Variants in SACS observed in about 807,000 individuals in gnomAD.
SACS encodes sacsin molecular chaperone, also known as sacsin.
SACS carries 197 observed loss-of-function variants against 348.0 expected under a neutral mutation model. The observed-to-expected ratio is 0.57, with a 90% CI of 0.50 to 0.64. SACS has a LOEUF of 0.64. Ranked by LOEUF, SACS falls within the 30% of genes least tolerant of loss-of-function variation. The probability of loss-of-function intolerance (pLI) is 0.00; values close to 1 mark genes in which losing one functional copy is unlikely to be tolerated. For synonymous variants in SACS, 1,985 were observed against 1,910.6 expected, an observed-to-expected ratio of 1.04 and a Z score of -1.02; for missense variants, 4,999 against 5,360.8, an observed-to-expected ratio of 0.93 and a Z score of 2.11.
At chr13:23,398,568 G>C (rs936806278) in intron 2 of SACS, among the ~76,000 whole-genome samples, 1 of 151,802 alleles carries the variant, frequency 6.6e-6, no homozygotes, top group African/African-American at 2.4e-5. Context: ...CACTCGTTTG[G>C]TTCAGAAAGG....
intron 2 of SACS, among the ~76,000 whole-genome samples, chr13:23,390,470 G>T (rs941382719): frequency 3.0e-4 from 45 of 151,984 alleles, no homozygotes; most frequent in African/African-American, 1.1e-3. Context: ...GACCAGCCTG[G>T]GCAAGATGGC....
At chr13:23,371,192 G>C in intron 3 of SACS, 27 bp from the exon 4 acceptor site, 1 of 1,464,156 alleles carries the variant, frequency 6.8e-7, no homozygotes, top group Non-Finnish European at 9.6e-7. Flanking sequence ...GAAAATGTAT[G>C]AAAAGCAATA....
At chr13:23,348,425 C>T (rs1353982284) in intron 9 of SACS, among the ~76,000 whole-genome samples, 1 of 152,200 alleles carries the variant, frequency 6.6e-6, no homozygotes, top group Non-Finnish European at 1.5e-5. Context: ...GCGGTCCCCA[C>T]CCAGCCCAGC....
intron 2 of SACS, among the ~76,000 whole-genome samples, chr13:23,379,111 T>C (rs1447915654): frequency 2.0e-5 from 3 of 152,168 alleles, no homozygotes; most frequent in Non-Finnish European, 4.4e-5. Context: ...GGCTCCCTGG[T>C]AGTGAATCGA....
At chr13:23,407,344 G>A (rs1423042663) in intron 2 of SACS, among the ~76,000 whole-genome samples, 3 of 152,078 alleles carry the variant, frequency 2.0e-5, no homozygotes, top group Non-Finnish European at 4.4e-5. Context: ...GACTACAGGC[G>A]CCTGCCACCA....
intron 6 of SACS, among the ~76,000 whole-genome samples, chr13:23,363,109 A>G (rs1018632527): frequency 6.6e-5 from 10 of 151,158 alleles, no homozygotes; most frequent in African/African-American, 2.4e-4. Context: ...GGGTTTCACC[A>G]TGTTGGCCAG....
At chr13:23,405,334 GTA>G (rs1873159063) in intron 2 of SACS, among the ~76,000 whole-genome samples, 1 of 152,148 alleles carries the variant, frequency 6.6e-6, no homozygotes, top group Admixed American at 6.6e-5. Flanking sequence ...TTAATAAATG[GTA>G]TTGGGAAAAC....
chr13:23,413,873 GA>G (rs1213755649), intron 1 of SACS, among the ~76,000 whole-genome samples: 1 of 152,116 alleles, frequency 6.6e-6, no homozygotes, highest in South Asian at 2.1e-4. Context: ...TTAAATTAAG[GA>G]ACTATATTAG....
chr13:23,398,003 C>T (rs1872774883), intron 2 of SACS, among the ~76,000 whole-genome samples: 1 of 151,238 alleles, frequency 6.6e-6, no homozygotes, highest in Non-Finnish European at 1.5e-5. Context: ...ACCAGCCTGA[C>T]CAACACGGAG....
chr13:23,338,335 C>T lies in SACS; in HGVS notation c.5541G>A (p.Gly1847=), dbSNP rs1454271777. The T allele has an allele frequency of 6.2e-7, 1 of 1,614,130 alleles. No individual in the cohort carries two copies. Among genetic ancestry groups the T allele is most frequent in the Non-Finnish European group, 8.5e-7 (1 of 1,180,010 alleles). The change falls in exon 10 of 10, where the codon GGG becomes GGA. Residue 1847 remains glycine, a synonymous_variant. Transcript: ENST00000382292. ...SGRRLGLVPC[G]AVGVQLSEIQ... ...TTTCTGACAGCTGAACTCCTACTGCCCCACATGGAACCAGTCCTAGTCTTC... is the reference window on the plus strand; with the variant it reads ...TTTCTGACAGCTGAACTCCTACTGCTCCACATGGAACCAGTCCTAGTCTTC...
At chr13:23,428,270 T>TG (rs1341293211) in intron 1 of SACS, 1 of 152,180 alleles carries the variant, frequency 6.6e-6, no homozygotes, top group African/African-American at 2.4e-5. Context: ...AGGAGCCAAA[T>TG]GCAGACAGAC....
intron 2 of SACS, among the ~76,000 whole-genome samples, chr13:23,380,412 G>A (rs555693442): frequency 3.7e-4 from 57 of 152,104 alleles, no homozygotes; most frequent in African/African-American, 1.3e-3. Context: ...TGTATGGGGC[G>A]CTGGGTTCCT....
chr13:23,339,273 A>C lies in SACS; in HGVS notation c.4603T>G (p.Phe1535Val). Residue 1535 changes from phenylalanine to valine, a missense_variant, in exon 10 of 10, where the codon TTT becomes GTT. Around this residue, in one of 6 missense-constraint regions of SACS, gnomAD observed 3,156 missense variants for 3,380.1 expected, o/e 0.93. Coordinates refer to ENST00000382292, the MANE Select transcript of SACS (RefSeq NM_014363.6). ...TCTCCTAACCTAGTTATGTTCACAA[A>C]ATCTGAATCTGAGAATTGAGAATTG... ...FNNSQFSDSD[F>V]VNITRLGESL... 6.2e-7 allele frequency: 1 copy of C among 1,602,632 alleles called. No individual in the cohort carries two copies.
At chr13:23,384,494 T>C (rs1872191587) in intron 2 of SACS, among the ~76,000 whole-genome samples, 1 of 152,228 alleles carries the variant, frequency 6.6e-6, no homozygotes, top group Non-Finnish European at 1.5e-5. Context: ...CTTCTTAACT[T>C]TTCTGTTTTG....
At chr13:23,363,020 T>G (rs995128603) in intron 6 of SACS, among the ~76,000 whole-genome samples, 7 of 150,476 alleles carry the variant, frequency 4.7e-5, no homozygotes, top group Non-Finnish European at 8.9e-5. Flanking sequence ...AGGGTTCTCC[T>G]GCCTCAGCCT....
At chr13:23,363,410 T>C (rs1870864105) in intron 6 of SACS, among the ~76,000 whole-genome samples, 2 of 148,656 alleles carry the variant, frequency 1.3e-5, no homozygotes, top group African/African-American at 5.0e-5. Context: ...GTATTTTTAG[T>C]AGAGACAGGT....
intron 2 of SACS, 136 bp downstream of exon 2, chr13:23,411,084 T>C: frequency 1.4e-6 from 1 of 728,252 alleles, no homozygotes; most frequent in Admixed American, 2.4e-5. Flanking sequence ...CAGTTAGAAC[T>C]GAGATATGGA....
At chr13:23,354,221 TA>T (rs1272662046) in intron 8 of SACS, among the ~76,000 whole-genome samples, 1 of 152,240 alleles carries the variant, frequency 6.6e-6, no homozygotes, top group Non-Finnish European at 1.5e-5. Flanking sequence ...CATTAGTGAC[TA>T]ATCTGGCCTT....
At chr13:23,415,916 A>G (rs957702936) in intron 1 of SACS, among the ~76,000 whole-genome samples, 26 of 152,212 alleles carry the variant, frequency 1.7e-4, no homozygotes, top group African/African-American at 6.0e-4. Flanking sequence ...GAGAAAATGT[A>G]TATCCTTTAA....
Sources: allele counts gnomAD v4.1 joint callset (sites outside exome capture counted in the v4.1 genomes callset), GRCh38; gene constraint gnomAD v4.1.1; regional missense constraint gnomAD v4.1.1; transcripts MANE v1.5; gene names NCBI Gene and HGNC (gene_info 2026-07-23, HGNC 2026-07-21).